The following SARAF variants were observed in gnomAD, a reference collection of about 807,000 sequenced individuals.
SARAF encodes store-operated calcium entry-associated regulatory factor.
Under a neutral mutation model 39.7 loss-of-function variants are expected in SARAF, and 23 were observed. The ratio of observed to expected loss-of-function variants is 0.58; its 90% CI spans 0.42 to 0.82. The LOEUF is 0.82. Among genes scored for constraint, SARAF ranks in the 40% least tolerant of loss-of-function variants. The probability of loss-of-function intolerance (pLI) is 0.00; values close to 1 mark genes in which losing one functional copy is unlikely to be tolerated. For synonymous variants in SARAF, 175 were observed against 168.5 expected (o/e 1.04, Z -0.30); for missense variants, 384 against 418.5 (o/e 0.92, Z 0.72).
At chr8:30,066,240 G>C in intron 4 of SARAF, 101 bp from the exon 5 acceptor site, 1 of 1,239,554 alleles carries the variant, frequency 8.1e-7, no homozygotes. Flanking sequence ...TCTTTATCAA[G>C]TATTTTTTCC....
rs751030176 is a variant in SARAF, at chr8:30,069,790, C to A, written c.552G>T (p.Gly184=). Residue 184 remains glycine, a synonymous_variant, in exon 3 of 6, where the codon GGG becomes GGT. Coordinates refer to ENST00000256255, the MANE Select transcript of SARAF (RefSeq NM_016127.6). ...SGLITIVVLL[G]IAFVVYKLFL... is the part of the protein sequence containing the mutation. Reference sequence around the variant, plus strand: ...ACAGCTTATAGACTACAAACGCGATCCCAAGGAGTACCACAATGGTAATCA... The same window carrying A: ...ACAGCTTATAGACTACAAACGCGATACCAAGGAGTACCACAATGGTAATCA... The A allele has an allele frequency of 5.6e-5, 90 of 1,613,942 alleles. No homozygotes were observed. In the South Asian group the frequency reaches 9.6e-4, roughly 17 times the overall value.
intron 5 of SARAF, among the ~76,000 whole-genome samples, chr8:30,065,373 C>A (rs541488127): frequency 6.6e-6 from 1 of 152,068 alleles, no homozygotes; most frequent in Non-Finnish European, 1.5e-5. Context: ...TATGAGAATT[C>A]TACTCACATT....
Position 30,063,704 on chromosome 8 carries a change from T to G in SARAF, c.*184A>C, listed in dbSNP as rs955392748. ...TACACTGACATACAACACATAAGTA[T>G]TTTGTCACACATCAACTTTTAGCCT... On this transcript the variant is annotated 3_prime_UTR_variant, in exon 6 of 6. Transcript: ENST00000256255. The G allele has an allele frequency of 9.7e-6, 6 of 617,814 alleles. No homozygotes were observed. The highest frequency in any genetic ancestry group is 1.7e-5 in the Non-Finnish European group (6 of 348,176). The allele number at this position is 617,814 out of a possible 1,614,324, so 38.3% of individuals were successfully genotyped here.
chr8:30,077,840 G>C (rs1043438150), intron 1 of SARAF, among the ~76,000 whole-genome samples: 1 of 150,156 alleles, frequency 6.7e-6, no homozygotes. Flanking sequence ...AGAGCAAAAA[G>C]ATAGAAAGTA....
At chr8:30,078,960 C>A (rs868061942) in intron 1 of SARAF, among the ~76,000 whole-genome samples, 2 of 152,014 alleles carry the variant, frequency 1.3e-5, no homozygotes, top group African/African-American at 4.8e-5. Flanking sequence ...AGTTCGAGAT[C>A]AGCCTGGACA....
At chr8:30,073,363 T>A (rs369653772) in intron 2 of SARAF, among the ~76,000 whole-genome samples, 1 of 152,244 alleles carries the variant, frequency 6.6e-6, no homozygotes, top group East Asian at 1.9e-4. Context: ...TCTGCTCGTA[T>A]ACAAAACACC....
Position 30,069,996 on chromosome 8 carries a change from C to A in SARAF, c.346G>T (p.Gly116Cys). ...TACTGGTCTTCAGAGGACTCATAGCCTTCACAGCTCACCACAGTTTTTCCA... is the reference window on the plus strand; with the variant it reads ...TACTGGTCTTCAGAGGACTCATAGCATTCACAGCTCACCACAGTTTTTCCA... ...KFGKTVVSCE[G>C]YESSEDQYVL... Residue 116 changes from glycine (G) to cysteine (C), a missense_variant, in exon 3 of 6, where the codon GGC becomes TGC. By Grantham distance (159) the Gly-to-Cys change is radical. Coordinates refer to ENST00000256255, the MANE Select transcript of SARAF (RefSeq NM_016127.6). 1.2e-6 allele frequency: 2 copies of A among 1,613,858 alleles called. No homozygotes were observed. Among genetic ancestry groups the A allele is most frequent in the African/African-American group, 1.3e-5 (1 of 75,026 alleles).
intron 4 of SARAF, 121 bp downstream of exon 4, chr8:30,066,656 T>C (rs1801699485): frequency 2.4e-6 from 3 of 1,259,588 alleles, no homozygotes; most frequent in Non-Finnish European, 3.3e-6. Flanking sequence ...CCAGAGAATC[T>C]TATTTAATAG....
chr8:30,069,739 A>G lies in SARAF; in HGVS notation c.603T>C (p.Pro201=). ...KLFLSDGQYS[P]PPYSEYPPFS... Reference sequence around the variant, plus strand: ...ATGGAGGATACTCAGAGTACGGTGGAGGAGAATACTGCCCGTCACTCAGGA... The same window carrying G: ...ATGGAGGATACTCAGAGTACGGTGGGGGAGAATACTGCCCGTCACTCAGGA... The change falls in exon 3 of 6, where the codon CCT becomes CCC. Residue 201 remains proline (P), a synonymous_variant. Coordinates refer to ENST00000256255, the MANE Select transcript of SARAF (RefSeq NM_016127.6). 6.2e-7 allele frequency: 1 copy of G among 1,614,070 alleles called. No homozygotes were observed. Among genetic ancestry groups the G allele is most frequent in the Non-Finnish European group, 8.5e-7 (1 of 1,180,006 alleles).
Position 30,064,549 on chromosome 8 carries a change from A to ATTTTTT in SARAF, c.995-637_995-636insAAAAAA, listed in dbSNP as rs1285474401. On this transcript the variant is annotated intron_variant, in intron 5 of 5. Transcript: ENST00000256255. ...CTTACCTAGCCATATATATATATAT[A>ATTTTTT]TATATATATATATTTTTTTTTTTTT... Among the ~76,000 whole-genome samples, 55 of 43,818 alleles carry ATTTTTT rather than the reference A, an allele frequency of 1.3e-3. 4 individuals are homozygous for ATTTTTT. The highest frequency in any genetic ancestry group is 1.7e-3 in the African/African-American group (15 of 8,804). 28.7% of individuals were successfully genotyped at this position (43,818 alleles called of 152,430 possible).
At chr8:30,080,645 G>C (rs1413860303) in intron 1 of SARAF, among the ~76,000 whole-genome samples, 1 of 152,160 alleles carries the variant, frequency 6.6e-6, no homozygotes, top group Non-Finnish European at 1.5e-5. Flanking sequence ...CTTAATATAA[G>C]ATTACATTCA....
intron 2 of SARAF, among the ~76,000 whole-genome samples, chr8:30,071,683 A>G (rs1801849266): frequency 6.6e-6 from 1 of 152,212 alleles, no homozygotes; most frequent in Admixed American, 6.5e-5. Flanking sequence ...CTAAATGGAC[A>G]GTTCACAGGA....
chr8:30,070,056 C>A lies in SARAF; in HGVS notation c.286G>T (p.Glu96Ter). ...GCAATATCTAAGTCCGTCTTACATT[C>A]CCACTGTGAAGAAAAATAGAAACAG... ...KGWDGYDVQW[E>*]CKTDLDIAYK... Residue 96 changes from glutamate to a stop codon, truncating the protein, a stop_gained, in exon 3 of 6, where the codon GAA (glutamate) becomes TAA (stop). Transcript: ENST00000256255. LOFTEE classifies it high-confidence loss of function. 6.3e-7 allele frequency: 1 copy of A among 1,589,662 alleles called. No individual in the cohort carries two copies. The highest frequency in any genetic ancestry group is 8.5e-7 in the Non-Finnish European group (1 of 1,172,028).
At chr8:30,065,965 G>GA (rs1249021690) in intron 5 of SARAF, 23 bp downstream of exon 5, 2 of 1,548,878 alleles carry the variant, frequency 1.3e-6, no homozygotes, top group Admixed American at 3.4e-5. Context: ...TAGGTAAAAG[G>GA]AACTTGTATT....
chr8:30,076,382 CAAG>C (rs1287570297), intron 1 of SARAF, among the ~76,000 whole-genome samples: 2 of 152,248 alleles, frequency 1.3e-5, no homozygotes, highest in South Asian at 4.1e-4. Context: ...GTAATCTAAC[CAAG>C]AAGAAGTACC....
In SARAF at chr8:30,073,976, G is replaced by C. The variant is rs1157392958; in HGVS notation, c.183C>G (p.Ile61Met). ...TGCCTCCAACACATTTCAACTGTGGGATGGGATCCAGCCTGCGGGAGGTGG... is the reference window on the plus strand; with the variant it reads ...TGCCTCCAACACATTTCAACTGTGGCATGGGATCCAGCCTGCGGGAGGTGG... Reference protein sequence around the residue: ...RYTTSRRLDPIPQLKCVGGTA... With the variant: ...RYTTSRRLDPMPQLKCVGGTA... The change falls in exon 2 of 6, where the codon ATC becomes ATG. Residue 61 changes from isoleucine to methionine, a missense_variant. Coordinates refer to ENST00000256255, the MANE Select transcript of SARAF (RefSeq NM_016127.6). The C allele has an allele frequency of 1.2e-5, 19 of 1,614,074 alleles. No individual in the cohort carries two copies. The highest frequency in any genetic ancestry group is 1.6e-5 in the Non-Finnish European group (19 of 1,180,040).
At chr8:30,079,266 T>C (rs895128512) in intron 1 of SARAF, among the ~76,000 whole-genome samples, 1 of 151,986 alleles carries the variant, frequency 6.6e-6, no homozygotes, top group South Asian at 2.1e-4. Context: ...AAGATACATT[T>C]GGGAATTCAG....
chr8:30,079,061 G>T (rs963455518), intron 1 of SARAF, among the ~76,000 whole-genome samples: 1 of 151,280 alleles, frequency 6.6e-6, no homozygotes, highest in Non-Finnish European at 1.5e-5. Context: ...GGAGGCTGAG[G>T]CAGGAGAATC....
chr8:30,071,876 C>G (rs949325947), intron 2 of SARAF, among the ~76,000 whole-genome samples: 1 of 152,080 alleles, frequency 6.6e-6, no homozygotes, highest in Non-Finnish European at 1.5e-5. Flanking sequence ...TGAATTGTTT[C>G]TACTTTTTGG....
Sources: gnomAD v4.1 joint callset for allele counts (sites outside exome capture counted in the v4.1 genomes callset) on GRCh38, gnomAD v4.1.1 for gene constraint, MANE v1.5 for transcripts, NCBI Gene and HGNC (gene_info 2026-07-23, HGNC 2026-07-21) for gene names.